The following GHR variants were observed in gnomAD, a reference collection of about 807,000 sequenced individuals.
The protein encoded by GHR is growth hormone receptor, also known as GH receptor.
Under a neutral mutation model 67.1 loss-of-function variants are expected in GHR, and 35 were observed. The observed-to-expected ratio is 0.52, with a 90% CI of 0.40 to 0.69. GHR has a LOEUF of 0.69. Ranked by LOEUF, GHR falls within the 30% of genes least tolerant of loss-of-function variation. The probability of loss-of-function intolerance (pLI) is 0.00; values close to 1 mark genes in which losing one functional copy is unlikely to be tolerated. For missense variants in GHR, 792 were observed against 764.6 expected, an observed-to-expected ratio of 1.04 and a Z score of -0.42; for synonymous variants, 272 against 269.1, an observed-to-expected ratio of 1.01 and a Z score of -0.10.
chr5:42,430,295 T>A (rs975830399), intron 1 of GHR, among the ~76,000 whole-genome samples: 2 of 152,168 alleles, frequency 1.3e-5, no homozygotes, highest in African/African-American at 4.8e-5. Flanking sequence ...TCCAGCTAAA[T>A]TGTGAATTCC....
chr5:42,550,798 C>T (rs552238850), intron 1 of GHR, among the ~76,000 whole-genome samples: 87 of 152,260 alleles, frequency 5.7e-4, no homozygotes, highest in African/African-American at 2.0e-3. Context: ...GTTTATTTGG[C>T]ATAGCAGCTG....
At chr5:42,507,758 T>C (rs1326825258) in intron 1 of GHR, among the ~76,000 whole-genome samples, 1 of 152,160 alleles carries the variant, frequency 6.6e-6, no homozygotes, top group Non-Finnish European at 1.5e-5. Context: ...GCCGGAGCCA[T>C]GGAGGAGGGG....
At chr5:42,569,073 G>A (rs1322012864) in intron 2 of GHR, among the ~76,000 whole-genome samples, 1 of 152,194 alleles carries the variant, frequency 6.6e-6, no homozygotes, top group Non-Finnish European at 1.5e-5. Flanking sequence ...ACAGCTTCAT[G>A]AAGGAGGTTG....
intron 1 of GHR, among the ~76,000 whole-genome samples, chr5:42,535,910 AT>A (rs1173302126): frequency 1.3e-5 from 2 of 151,208 alleles, no homozygotes; most frequent in Non-Finnish European, 3.0e-5. Context: ...TTTATTTTTT[AT>A]TTTTTTGGCA....
At chr5:42,669,385 A>G (rs1449398502) in intron 3 of GHR, among the ~76,000 whole-genome samples, 1 of 152,246 alleles carries the variant, frequency 6.6e-6, no homozygotes, top group African/African-American at 2.4e-5. Context: ...CAACAAAATT[A>G]CAAGATAGAA....
intron 1 of GHR, among the ~76,000 whole-genome samples, chr5:42,493,613 A>T (rs1746204283): frequency 6.6e-6 from 1 of 152,190 alleles, no homozygotes; most frequent in Admixed American, 6.5e-5. Flanking sequence ...GTGATAGCAG[A>T]AAAGAAAGTT....
At chr5:42,543,749 G>C (rs1007760722) in intron 1 of GHR, among the ~76,000 whole-genome samples, 1 of 151,870 alleles carries the variant, frequency 6.6e-6, no homozygotes, top group Admixed American at 6.6e-5. Context: ...TCAATTATTC[G>C]ATTTTATAAA....
intron 1 of GHR, among the ~76,000 whole-genome samples, chr5:42,519,605 C>G (rs1442616871): frequency 6.6e-6 from 1 of 152,200 alleles, no homozygotes; most frequent in Non-Finnish European, 1.5e-5. Flanking sequence ...TCAGTTGTTA[C>G]CTTTCTCAAC....
intron 1 of GHR, among the ~76,000 whole-genome samples, chr5:42,460,211 G>A (rs1415802264): frequency 6.6e-6 from 1 of 152,152 alleles, no homozygotes; most frequent in East Asian, 1.9e-4. Context: ...CTTGATCGTG[G>A]ACTTCCCGAC....
At chr5:42,581,047 T>C (rs927428579) in intron 2 of GHR, among the ~76,000 whole-genome samples, 2 of 152,222 alleles carry the variant, frequency 1.3e-5, no homozygotes, top group African/African-American at 4.8e-5. Flanking sequence ...GTCTCTTGAT[T>C]GCCATTACAA....
chr5:42,576,337 T>C (rs1302428469), intron 2 of GHR, among the ~76,000 whole-genome samples: 1 of 152,010 alleles, frequency 6.6e-6, no homozygotes, highest in African/African-American at 2.4e-5. Flanking sequence ...TTGAGATTAC[T>C]ACACAGGAAA....
chr5:42,480,277 T>G (rs1375263144), intron 1 of GHR, among the ~76,000 whole-genome samples: 1 of 152,226 alleles, frequency 6.6e-6, no homozygotes, highest in Admixed American at 6.5e-5. Context: ...TCTGTTCTCT[T>G]ACATTTGCTG....
At chr5:42,541,129 C>T (rs905853552) in intron 1 of GHR, among the ~76,000 whole-genome samples, 6 of 151,928 alleles carry the variant, frequency 3.9e-5, no homozygotes, top group Admixed American at 1.3e-4. Flanking sequence ...TTGTACATGC[C>T]TGGAAATATA....
chr5:42,441,742 C>T (rs1743588933), intron 1 of GHR, among the ~76,000 whole-genome samples: 2 of 152,122 alleles, frequency 1.3e-5, no homozygotes, highest in African/African-American at 4.8e-5. Flanking sequence ...ATCTCCTGAC[C>T]TCATGATTCG....
chr5:42,656,732 G>A (rs1755274820), intron 3 of GHR, among the ~76,000 whole-genome samples: 1 of 152,124 alleles, frequency 6.6e-6, no homozygotes, highest in Admixed American at 6.6e-5. Flanking sequence ...ATGTTTTGGA[G>A]CATGCAAGAG....
At position 42,649,273 on chromosome 5, in the gene GHR, T is replaced by G. The variant is rs1028441459; in HGVS notation, c.136+20170T>G. On this transcript the variant is annotated intron_variant, in intron 3 of 9. Coordinates refer to ENST00000230882, the MANE Select transcript of GHR (RefSeq NM_000163.5). Reference sequence around the variant, plus strand: ...TGCTCAGCTCTAAAAATATGCAGTGTAGTGAGTCACTAATATTTCATTAAC... The same window carrying G: ...TGCTCAGCTCTAAAAATATGCAGTGGAGTGAGTCACTAATATTTCATTAAC... Among the ~76,000 whole-genome samples the G allele has an allele frequency of 1.8e-4, 27 of 152,214 alleles. 1 individual carries two copies. Among genetic ancestry groups the G allele is most frequent in the Admixed American group, 7.9e-4 (12 of 15,270 alleles).
intron 1 of GHR, among the ~76,000 whole-genome samples, chr5:42,535,965 G>A (rs1748238545): frequency 6.6e-6 from 1 of 151,996 alleles, no homozygotes. Context: ...TTCTCTGCTT[G>A]GTCGCTGCTG....
intron 2 of GHR, among the ~76,000 whole-genome samples, chr5:42,596,127 AT>A (rs1752058551): frequency 6.6e-6 from 1 of 152,208 alleles, no homozygotes; most frequent in Non-Finnish European, 1.5e-5. Context: ...AATGGCAGTC[AT>A]TTTTTGTAGC....
At chr5:42,611,339 C>A (rs1752879552) in intron 2 of GHR, among the ~76,000 whole-genome samples, 1 of 151,362 alleles carries the variant, frequency 6.6e-6, no homozygotes, top group Admixed American at 6.6e-5. Flanking sequence ...AGTCTAGTCC[C>A]AACCACTTTT....
Sources: gnomAD v4.1 joint callset for allele counts (sites outside exome capture counted in the v4.1 genomes callset) on GRCh38, gnomAD v4.1.1 for gene constraint, MANE v1.5 for transcripts, NCBI Gene and HGNC (gene_info 2026-07-23, HGNC 2026-07-21) for gene names.